Variants in LAMA4 observed in about 807,000 individuals in gnomAD.
LAMA4 encodes laminin subunit alpha 4, also known as laminin subunit alpha-4.
In LAMA4, 127 loss-of-function variants were observed where a neutral mutation model predicts 207.1. The ratio of observed to expected loss-of-function variants is 0.61; its 90% confidence interval spans 0.53 to 0.71. The LOEUF is 0.71. Among genes scored for constraint, LAMA4 ranks in the 30% least tolerant of loss-of-function variants. The probability of loss-of-function intolerance (pLI) is 0.00; values close to 1 mark genes in which losing one functional copy is unlikely to be tolerated. For synonymous variants in LAMA4, 761 were observed against 816.0 expected (o/e 0.93, Z 1.15); for missense variants, 2,093 against 2,246.5 (o/e 0.93, Z 1.38).
At chr6:112,206,897 C>A (rs1784087131) in intron 4 of LAMA4, 124 bp downstream of exon 4, 1 of 1,129,818 alleles carries the variant, frequency 8.9e-7, no homozygotes, top group Admixed American at 1.9e-5. Context: ...CCAGTCTCAT[C>A]TCAATATGAG....
Position 112,189,152 on chromosome 6 carries a change from C to T in LAMA4, c.772G>A (p.Glu258Lys). 6.2e-7 allele frequency: 1 copy of T among 1,614,108 alleles called. No homozygotes were observed. Reference sequence around the variant, plus strand: ...ATGCCTGTAGGGGGTTCAAAACCTTCTTCCAAGCATTCTCCGGTTACACTG... The same window carrying T: ...ATGCCTGTAGGGGGTTCAAAACCTTTTTCCAAGCATTCTCCGGTTACACTG... ...CDSVTGECLE[E>K]GFEPPTGMDC... Residue 258 changes from glutamate (E) to lysine (K), a missense_variant, in exon 7 of 39, where the codon GAA becomes AAA. Glu to Lys is a moderately conservative substitution (Grantham distance 56). This residue lies in a region of LAMA4 where 1,704 missense variants were observed against 1,788.4 expected (regional missense o/e 0.95). Transcript: ENST00000230538.
Position 112,144,747 on chromosome 6 carries a change from G to A in LAMA4, c.2493+47C>T, listed in dbSNP as rs138508073. Reference sequence around the variant, plus strand: ...GCCCAAGCAGTTGGAGCTCAGCTTCGTGTTATTATTACCGCTGACTGACTG... The same window carrying A: ...GCCCAAGCAGTTGGAGCTCAGCTTCATGTTATTATTACCGCTGACTGACTG... On this transcript the variant is annotated intron_variant, in intron 19 of 38. Transcript: ENST00000230538. 1.4e-3 allele frequency: 2,188 copies of A among 1,604,426 alleles called. 50 individuals carry two copies. The South Asian group carries it at 0.023, about 17-fold the overall frequency.
chr6:112,220,145 A>G (rs1554360086), intron 2 of LAMA4, among the ~76,000 whole-genome samples: 3 of 152,190 alleles, frequency 2.0e-5, no homozygotes. Flanking sequence ...AAACCATTGA[A>G]TGGGATATTG....
chr6:112,190,877 TTC>T (rs1300722715), intron 6 of LAMA4, among the ~76,000 whole-genome samples: 38 of 42,200 alleles, frequency 9.0e-4, no homozygotes, highest in African/African-American at 3.2e-3. Flanking sequence ...TTCTTTTTCT[TTC>T]TTTCTTTCTT....
At chr6:112,174,306 G>T (rs1162732874) in intron 11 of LAMA4, among the ~76,000 whole-genome samples, 1 of 152,206 alleles carries the variant, frequency 6.6e-6, no homozygotes, top group Non-Finnish European at 1.5e-5. Context: ...GCCTTGTTGA[G>T]TTAAGACCCC....
At chr6:112,111,278 A>G (rs587624695) in intron 38 of LAMA4, among the ~76,000 whole-genome samples, 4 of 152,282 alleles carry the variant, frequency 2.6e-5, no homozygotes, top group Admixed American at 2.0e-4. Context: ...TCCTGAGCTC[A>G]AGTGATCCAC....
intron 30 of LAMA4, 131 bp from the exon 31 acceptor site, chr6:112,129,206 G>A: frequency 1.4e-6 from 1 of 715,584 alleles, no homozygotes; most frequent in Admixed American, 2.3e-5. Context: ...GTGTGTGTAT[G>A]TGTGATGGGT....
intron 2 of LAMA4, among the ~76,000 whole-genome samples, chr6:112,223,955 T>G (rs1785058685): frequency 6.6e-6 from 1 of 152,198 alleles, no homozygotes; most frequent in African/African-American, 2.4e-5. Context: ...TTTTCTAAAT[T>G]CCCCTTTGTC....
At chr6:112,169,560 G>T (rs773447106) in intron 12 of LAMA4, among the ~76,000 whole-genome samples, 3 of 152,170 alleles carry the variant, frequency 2.0e-5, no homozygotes, top group Non-Finnish European at 4.4e-5. Context: ...GGGCAAAAGG[G>T]GTGCAACTGT....
intron 19 of LAMA4, among the ~76,000 whole-genome samples, chr6:112,143,366 C>G (rs782358106): frequency 4.0e-4 from 61 of 150,764 alleles, no homozygotes; most frequent in Middle Eastern, 3.4e-3. Flanking sequence ...CTCACTGCAA[C>G]CTCCATCTCC....
chr6:112,139,172 A>G lies in LAMA4; in HGVS notation c.3230T>C (p.Ile1077Thr). 4.3e-6 allele frequency: 7 copies of G among 1,614,178 alleles called. No homozygotes were observed. Among genetic ancestry groups the G allele is most frequent in the Non-Finnish European group, 5.9e-6 (7 of 1,180,008 alleles). ...GTTGTCAGCTGGTGTTCGAACTTCT[A>G]TGTCAAAGCGAGTCACCTGACCAAA... ...GKFGQVTRFD[I>T]EVRTPADNGL... is the part of the protein sequence containing the mutation. Residue 1077 changes from isoleucine to threonine, a missense_variant, in exon 24 of 39, where the codon ATA becomes ACA. Ile to Thr is a moderately conservative substitution (Grantham distance 89). Transcript: ENST00000230538.
At chr6:112,228,895 C>T (rs1785382934) in intron 2 of LAMA4, among the ~76,000 whole-genome samples, 2 of 152,164 alleles carry the variant, frequency 1.3e-5, no homozygotes, top group Admixed American at 1.3e-4. Flanking sequence ...GTCACCAGCA[C>T]ACCCTCGTTC....
chr6:112,144,026 C>G (rs1347820029), intron 19 of LAMA4, among the ~76,000 whole-genome samples: 1 of 152,196 alleles, frequency 6.6e-6, no homozygotes, highest in Non-Finnish European at 1.5e-5. Flanking sequence ...GACCAGTAGT[C>G]TGCTCAGGCC....
rs1001745695 is a variant in LAMA4, at chr6:112,165,042, C to T, written c.1668+118G>A. 33 of 765,664 alleles carry T rather than the reference C, an allele frequency of 4.3e-5. 1 individual carries two copies. In the Admixed American group the frequency reaches 4.7e-4, roughly 11 times the overall value. The allele number at this position is 765,664 out of a possible 1,614,324, so 47.4% of individuals were successfully genotyped here. A position where few individuals can be genotyped will look rare whatever the true frequency, so the allele number is the denominator to read the frequency against. On this transcript the variant is annotated intron_variant, in intron 13 of 38. Transcript: ENST00000230538. ...GCAAGAAACTAAAACATTCAGTCAT[C>T]TGATCTTTATAATGCCTGCTCACTG...
At chr6:112,168,535 AG>A (rs1352321618) in intron 12 of LAMA4, among the ~76,000 whole-genome samples, 1 of 151,860 alleles carries the variant, frequency 6.6e-6, no homozygotes, top group East Asian at 2.0e-4. Flanking sequence ...TAGTAGAGAC[AG>A]GGTTTCACCA....
chr6:112,189,220 A>G lies in LAMA4; in HGVS notation c.719-15T>C, dbSNP rs1477613567. The G allele has an allele frequency of 1.2e-5, 19 of 1,589,054 alleles. No individual in the cohort carries two copies. In the Admixed American group the frequency reaches 2.2e-4, roughly 18 times the overall value. Reference sequence around the variant, plus strand: ...GCAGTTGCACACTGTGGGAAACAAAAACAAGAGACGAGAAATGCACTTCTT... The same window carrying G: ...GCAGTTGCACACTGTGGGAAACAAAGACAAGAGACGAGAAATGCACTTCTT... On this transcript the variant is annotated splice_polypyrimidine_tract_variant and intron_variant, in intron 6 of 38. Coordinates refer to ENST00000230538, the MANE Select transcript of LAMA4 (RefSeq NM_001105206.3).
rs1176986742 is a variant in LAMA4 at position 112,156,920 on chromosome 6, G to A, written c.1818-1214C>T. On this transcript the variant is annotated intron_variant, in intron 14 of 38. Transcript: ENST00000230538. ...GGCTGACTCATCCATTAGGCACAGC[G>A]TTTTCATTTTTTTTTCAATCAGAAG... 1.1e-4 allele frequency among the ~76,000 whole-genome samples: 15 copies of A among 136,286 alleles called. No homozygotes were observed. The East Asian group carries it at 3.2e-3, about 29-fold the overall frequency. The allele number at this position is 136,286 out of a possible 152,430, so 89.4% of individuals were successfully genotyped here.
rs140285849 is a variant in LAMA4, at chr6:112,245,045, C to T, written c.195+8911G>A. On this transcript the variant is annotated intron_variant, in intron 2 of 38. Coordinates refer to ENST00000230538, the MANE Select transcript of LAMA4 (RefSeq NM_001105206.3). ...CCAGATATTCAGACCATTTAATCTCCAAATAGCAGGCATTTAACACCTCAT... is the reference window on the plus strand; with the variant it reads ...CCAGATATTCAGACCATTTAATCTCTAAATAGCAGGCATTTAACACCTCAT... Among the ~76,000 whole-genome samples, 292 of 152,270 alleles carry T rather than the reference C, an allele frequency of 1.9e-3. 2 individuals are homozygous for T. Among genetic ancestry groups the T allele is most frequent in the African/African-American group, 5.9e-3 (245 of 41,558 alleles).
At chr6:112,251,214 G>A (rs1373840989) in intron 2 of LAMA4, 1 of 152,218 alleles carries the variant, frequency 6.6e-6, no homozygotes. Flanking sequence ...AAGGAAAAGA[G>A]GAGACTTCCT....
Sources: gnomAD v4.1 joint callset for allele counts (sites outside exome capture counted in the v4.1 genomes callset) on GRCh38, gnomAD v4.1.1 for gene constraint, gnomAD v4.1.1 regional missense constraint, MANE v1.5 for transcripts, NCBI Gene and HGNC (gene_info 2026-07-23, HGNC 2026-07-21) for gene names.